UBE3B: variants seen among roughly 807,000 people sequenced by gnomAD.
The protein encoded by UBE3B is ubiquitin protein ligase E3B, also known as ubiquitin-protein ligase E3B.
A neutral mutation model predicts 132.3 loss-of-function variants in UBE3B; 80 were observed. The ratio of observed to expected loss-of-function variants is 0.60; its 90% CI spans 0.50 to 0.73. UBE3B has a LOEUF of 0.73. UBE3B is among the 30% of genes least tolerant of loss of function. The pLI is 0.00. For missense variants in UBE3B, 1,196 were observed against 1,362.5 expected, an observed-to-expected ratio of 0.88 and a Z score of 1.92; for synonymous variants, 487 against 520.4, an observed-to-expected ratio of 0.94 and a Z score of 0.87.
intron 14 of UBE3B, among the ~76,000 whole-genome samples, chr12:109,506,417 C>T (rs373380833): frequency 4.6e-5 from 7 of 152,290 alleles, no homozygotes; most frequent in East Asian, 1.9e-4. Context: ...GGTGCGATCT[C>T]GGCTCACTGC....
chr12:109,490,825 GT>G (rs1412198398), intron 8 of UBE3B: 2,355 of 1,114,656 alleles, frequency 2.1e-3, no homozygotes, highest in South Asian at 3.0e-3. Context: ...TTGTTTTTTT[GT>G]TTTTTTTTTA....
chr12:109,489,502 A>G (rs1339635983), intron 7 of UBE3B, among the ~76,000 whole-genome samples: 1 of 152,202 alleles, frequency 6.6e-6, no homozygotes. Flanking sequence ...TATTTCAGGC[A>G]TGACCCTGGC....
chr12:109,542,348 G>C, the UBE3B span, among the ~76,000 whole-genome samples: 2 of 152,182 alleles, frequency 1.3e-5, no homozygotes, highest in Non-Finnish European at 2.9e-5. Context: ...TGTCTCAAAA[G>C]TGTAGTAGAA....
At chr12:109,486,652 C>A in intron 6 of UBE3B, 77 bp downstream of exon 6, 1 of 1,186,936 alleles carries the variant, frequency 8.4e-7, no homozygotes, top group Non-Finnish European at 1.2e-6. Context: ...AGACTTTAGT[C>A]TGTATTTTCA....
intron 23 of UBE3B, among the ~76,000 whole-genome samples, chr12:109,525,106 C>A (rs555856848): frequency 2.6e-5 from 4 of 152,282 alleles, no homozygotes; most frequent in Non-Finnish European, 4.4e-5. Flanking sequence ...ACTTATTAGA[C>A]TCGCGCTTGG....
rs370786061 is a variant in UBE3B at position 109,503,194 on chromosome 12, C to T, written c.1450+4C>T. On this transcript the variant is annotated splice_donor_region_variant and intron_variant, in intron 14 of 27. Coordinates refer to ENST00000342494, the MANE Select transcript of UBE3B (RefSeq NM_130466.4). ...ATTCGGCTGCAGATACTCACAGGTT[C>T]GCAGTCCCCAGGGCATCTTCTTCAC... 2.5e-5 allele frequency: 40 copies of T among 1,613,846 alleles called. No homozygotes were observed. The African/African-American group carries it at 2.9e-4, about 12-fold the overall frequency.
intron 26 of UBE3B, among the ~76,000 whole-genome samples, chr12:109,532,865 G>T (rs1194919121): frequency 1.3e-5 from 2 of 152,178 alleles, no homozygotes; most frequent in African/African-American, 4.8e-5. Flanking sequence ...AGGGTCCCCC[G>T]GGGCCCCAGC....
At chr12:109,483,133 A>G (rs1280022184) in intron 2 of UBE3B, among the ~76,000 whole-genome samples, 5 of 152,356 alleles carry the variant, frequency 3.3e-5, no homozygotes, top group South Asian at 4.1e-4. Flanking sequence ...GGTTTCCCAA[A>G]TACTGTGGAC....
chr12:109,495,715 T>A (rs1402635264), intron 9 of UBE3B, among the ~76,000 whole-genome samples: 1 of 152,224 alleles, frequency 6.6e-6, no homozygotes, highest in South Asian at 2.1e-4. Context: ...AACAAAGGGA[T>A]GGGCCGAAAT....
chr12:109,543,031 C>T, the UBE3B span, among the ~76,000 whole-genome samples: 6 of 152,300 alleles, frequency 3.9e-5, no homozygotes, highest in African/African-American at 1.2e-4. Flanking sequence ...CAGCAGCTGG[C>T]CGCCCTGCCC....
At chr12:109,529,797 G>A (rs1042565463) in intron 24 of UBE3B, 93 bp from the exon 25 acceptor site, 1 of 1,460,460 alleles carries the variant, frequency 6.8e-7, no homozygotes, top group African/African-American at 1.4e-5. Flanking sequence ...TTGTAAAATG[G>A]TTCAGAAATG....
chr12:109,486,591 A>C lies in UBE3B; in HGVS notation c.447+16A>C. The C allele has an allele frequency of 1.3e-6, 2 of 1,541,256 alleles. No homozygotes were observed. Among genetic ancestry groups the C allele is most frequent in the Non-Finnish European group, 1.7e-6 (2 of 1,143,370 alleles). On this transcript the variant is annotated intron_variant, in intron 6 of 27. Transcript: ENST00000342494. The stretch of plus-strand genomic sequence containing the variant: ...GCAGCTCAAGGTAACAAAAAAAAAA[A>C]AAAAAAAAAAAAGCAAAACCAGAAA...
intron 7 of UBE3B, among the ~76,000 whole-genome samples, chr12:109,489,192 T>C (rs942002151): frequency 7.9e-5 from 12 of 152,322 alleles, no homozygotes; most frequent in Admixed American, 2.6e-4. Context: ...CCAGGGACTT[T>C]AGGTGCTCCC....
At chr12:109,480,725 A>G (rs1875238580) in intron 1 of UBE3B, among the ~76,000 whole-genome samples, 1 of 151,762 alleles carries the variant, frequency 6.6e-6, no homozygotes, top group African/African-American at 2.4e-5. Flanking sequence ...ACTCTGTGTG[A>G]CTCCCAAAGC....
Position 109,486,556 on chromosome 12 carries a change from A to G in UBE3B, c.428A>G (p.Asp143Gly). The stretch of plus-strand genomic sequence containing the variant: ...AAGAACATTTTGTGGTACTGCTGTG[A>G]TTTTCTCAAGCAGCTCAAGGTAACA... ...QIKNILWYCC[D>G]FLKQLKPEIL... The change falls in exon 6 of 28, where the codon GAT becomes GGT. Residue 143 changes from aspartate (D) to glycine (G), a missense_variant. Asp to Gly is a moderately conservative substitution (Grantham distance 94). Transcript: ENST00000342494. 1 of 839,786 alleles carries G rather than the reference A, an allele frequency of 1.2e-6. No homozygotes were observed. The highest frequency in any genetic ancestry group is 2.1e-5 in the Admixed American group (1 of 47,686). 52.0% of individuals were successfully genotyped at this position (839,786 alleles called of 1,614,324 possible). A position where few individuals can be genotyped will look rare whatever the true frequency, so the allele number is the denominator to read the frequency against.
At chr12:109,484,379 C>T (rs1042478475) in intron 4 of UBE3B, among the ~76,000 whole-genome samples, 23 of 152,168 alleles carry the variant, frequency 1.5e-4, no homozygotes, top group Non-Finnish European at 1.5e-5. Flanking sequence ...CTACACACCT[C>T]GGTGGTGGAC....
At chr12:109,537,819 C>T (rs530793871), downstream of UBE3B, among the ~76,000 whole-genome samples, 178 of 152,276 alleles carry the variant, frequency 1.2e-3, 2 homozygotes, top group South Asian at 8.1e-3. Flanking sequence ...ATTCTCCTGC[C>T]GCAGCCTCCC....
downstream of UBE3B, among the ~76,000 whole-genome samples, chr12:109,537,717 G>GT (rs1566122954): frequency 1.3e-5 from 2 of 151,998 alleles, no homozygotes; most frequent in Admixed American, 6.6e-5. Flanking sequence ...GTTTTGTTTT[G>GT]TTTTTTTGAG....
At chr12:109,490,412 G>T in intron 8 of UBE3B, 1 of 1,526,496 alleles carries the variant, frequency 6.6e-7, no homozygotes, top group Non-Finnish European at 8.8e-7. Context: ...TGTTGAGAAA[G>T]CCTGATTGCT....
Sources: allele counts gnomAD v4.1 joint callset (sites outside exome capture counted in the v4.1 genomes callset), GRCh38; gene constraint gnomAD v4.1.1; transcripts MANE v1.5; gene names NCBI Gene and HGNC (gene_info 2026-07-23, HGNC 2026-07-21).